The following KLHL13 variants were observed in gnomAD, a reference collection of about 807,000 sequenced individuals.
KLHL13 encodes kelch like family member 13, also known as kelch-like protein 13.
Under a neutral mutation model 37.1 loss-of-function variants are expected in KLHL13, and 10 were observed. The ratio of observed to expected loss-of-function variants is 0.27; its 90% CI spans 0.17 to 0.46. The LOEUF is 0.46. Ranked by LOEUF, KLHL13 falls within the 20% of genes least tolerant of loss-of-function variation. The probability of loss-of-function intolerance (pLI) is 1.00; values close to 1 mark genes in which losing one functional copy is unlikely to be tolerated. For missense variants in KLHL13, 360 were observed against 509.3 expected (o/e 0.71, Z 2.82); for synonymous variants, 163 against 181.2 (o/e 0.90, Z 0.81).
At chrX:118,091,629 T>C (rs1030107086) in intron 1 of KLHL13, among the ~76,000 whole-genome samples, 4 of 110,603 alleles carry the variant, frequency 3.6e-5, no homozygotes, top group African/African-American at 1.3e-4. Flanking sequence ...AAAATATGAA[T>C]ACAGAATTAG....
At chrX:117,909,399 T>G in exon 5 of KLHL13, 1 of 1,210,945 alleles carries the variant, frequency 8.3e-7, no homozygotes, top group Non-Finnish European at 1.1e-6. Flanking sequence ...AGATGCAACT[T>G]GCATCCATTT....
chrX:117,982,254 T>C lies in KLHL13; in HGVS notation c.-55-36679A>G, dbSNP rs1375705495. 4.5e-5 allele frequency among the ~76,000 whole-genome samples: 5 copies of C among 111,068 alleles called. No individual in the cohort carries two copies. The South Asian group carries it at 1.5e-3, about 34-fold the overall frequency. On this transcript the variant is annotated intron_variant, in intron 1 of 6. Transcript: ENST00000371882. ...CTAGTTTTCTATACAGTTTTTTAAATTACTTTACAATAAAAACAACTGGGA... is the reference window on the plus strand; with the variant it reads ...CTAGTTTTCTATACAGTTTTTTAAACTACTTTACAATAAAAACAACTGGGA...
At chrX:117,961,067 T>C (rs1287582391) in intron 1 of KLHL13, among the ~76,000 whole-genome samples, 1 of 112,033 alleles carries the variant, frequency 8.9e-6, no homozygotes, top group Non-Finnish European at 1.9e-5. Context: ...TTTTATATGA[T>C]TGTATATGCT....
intron 1 of KLHL13, chrX:117,985,105 T>C: frequency 2.6e-6 from 1 of 391,936 alleles, no homozygotes; most frequent in Non-Finnish European, 4.2e-6. Context: ...TGGTTACCAA[T>C]ATGTCTCCTG....
intron 1 of KLHL13, among the ~76,000 whole-genome samples, chrX:118,106,387 T>C (rs1385771728): frequency 1.8e-5 from 2 of 111,607 alleles, no homozygotes; most frequent in African/African-American, 3.3e-5. Context: ...AAGGGTATTA[T>C]CTTTATTTAA....
chrX:117,979,283 T>C (rs2053632109), intron 1 of KLHL13, among the ~76,000 whole-genome samples: 1 of 111,995 alleles, frequency 8.9e-6, no homozygotes. Flanking sequence ...TATGTGATTT[T>C]AGATTACCAT....
chrX:118,025,405 C>T (rs2054264411), intron 1 of KLHL13, among the ~76,000 whole-genome samples: 1 of 111,545 alleles, frequency 9.0e-6, no homozygotes, highest in Non-Finnish European at 1.9e-5. Context: ...CACTCCACCC[C>T]ACCCACGACG....
intron 1 of KLHL13, among the ~76,000 whole-genome samples, chrX:118,047,541 G>T (rs1350733033): frequency 8.9e-6 from 1 of 111,847 alleles, no homozygotes; most frequent in Admixed American, 9.4e-5. Context: ...ACCAATATTA[G>T]GTTGGTGTGA....
intron 4 of KLHL13, among the ~76,000 whole-genome samples, chrX:117,917,782 A>G (rs1400491448): frequency 8.9e-6 from 1 of 112,025 alleles, no homozygotes; most frequent in African/African-American, 3.2e-5. Context: ...GTCTCTTGTT[A>G]ATGATTAGTT....
chrX:118,076,130 C>G (rs1439174659), intron 1 of KLHL13, among the ~76,000 whole-genome samples: 4 of 111,367 alleles, frequency 3.6e-5, no homozygotes, highest in Non-Finnish European at 5.7e-5. Flanking sequence ...CAGTTTTTGT[C>G]CCTTCTATTT....
intron 1 of KLHL13, among the ~76,000 whole-genome samples, chrX:118,094,588 T>A (rs2055179207): frequency 9.2e-6 from 1 of 108,713 alleles, no homozygotes; most frequent in South Asian, 4.3e-4. Flanking sequence ...CACATAATTG[T>A]CAGATTCACC....
At chrX:117,941,033 A>T (rs1218396695) in intron 2 of KLHL13, among the ~76,000 whole-genome samples, 1 of 112,024 alleles carries the variant, frequency 8.9e-6, no homozygotes, top group African/African-American at 3.2e-5. Flanking sequence ...GTTTTCAAAG[A>T]GAATGCTTCC....
upstream of KLHL13, among the ~76,000 whole-genome samples, chrX:117,976,859 G>A (rs1327574964): frequency 8.9e-6 from 1 of 112,021 alleles, no homozygotes; most frequent in Non-Finnish European, 1.9e-5. Context: ...TACAAAAAGA[G>A]CCAACTCTTA....
intron 1 of KLHL13, among the ~76,000 whole-genome samples, chrX:118,026,095 T>C (rs2054272367): frequency 9.0e-6 from 1 of 111,340 alleles, no homozygotes; most frequent in South Asian, 3.8e-4. Context: ...TCTAATTGGA[T>C]TATTATGGAA....
chrX:117,980,696 A>C (rs1261327897), intron 1 of KLHL13, among the ~76,000 whole-genome samples: 1 of 111,978 alleles, frequency 8.9e-6, no homozygotes, highest in Non-Finnish European at 1.9e-5. Context: ...ATTTATATTC[A>C]ATTGCTTTAA....
chrX:118,084,576 A>G (rs1333353407), intron 1 of KLHL13, among the ~76,000 whole-genome samples: 1 of 111,470 alleles, frequency 9.0e-6, no homozygotes, highest in Non-Finnish European at 1.9e-5. Flanking sequence ...AGAAATTCCA[A>G]CTCTCAACTT....
intron 5 of KLHL13, among the ~76,000 whole-genome samples, chrX:117,903,446 A>AT (rs1395817534): frequency 2.7e-5 from 3 of 110,819 alleles, no homozygotes; most frequent in Non-Finnish European, 5.7e-5. Context: ...TGCCAATTCT[A>AT]TTTCTTTTAA....
intron 6 of KLHL13, among the ~76,000 whole-genome samples, chrX:117,900,458 C>T (rs1169797854): frequency 9.0e-6 from 1 of 111,704 alleles, no homozygotes; most frequent in Non-Finnish European, 1.9e-5. Flanking sequence ...TGTCATTTTT[C>T]TCAGAGGAGT....
At chrX:117,914,988 G>A (rs770637050) in intron 4 of KLHL13, among the ~76,000 whole-genome samples, 55 of 111,608 alleles carry the variant, frequency 4.9e-4, no homozygotes, top group African/African-American at 7.5e-4. Context: ...ATGGATGGCC[G>A]ACCATAAGCA....
Sources: gnomAD v4.1 joint callset for allele counts (sites outside exome capture counted in the v4.1 genomes callset) on GRCh38, gnomAD v4.1.1 for gene constraint, MANE v1.5 for transcripts, NCBI Gene and HGNC (gene_info 2026-07-23, HGNC 2026-07-21) for gene names.